TJP1: variants seen among roughly 807,000 people sequenced by gnomAD.
The protein encoded by TJP1 is tight junction protein 1.
A neutral mutation model predicts 194.2 loss-of-function variants in TJP1; 43 were observed. That is an observed-to-expected ratio of 0.22 (90% CI 0.17 to 0.29). The LOEUF is 0.29. Among genes scored for constraint, TJP1 ranks in the 10% least tolerant of loss-of-function variants. TJP1 has a pLI of 1.00. For missense variants in TJP1, 1,971 were observed against 2,185.7 expected (o/e 0.90, Z 1.96); for synonymous variants, 801 against 779.0 (o/e 1.03, Z -0.47).
At chr15:29,871,683 C>A (rs114555499) in intron 2 of TJP1, among the ~76,000 whole-genome samples, 1 of 152,226 alleles carries the variant, frequency 6.6e-6, no homozygotes, top group African/African-American at 2.4e-5. Flanking sequence ...TACAGCCCCA[C>A]TGGGCATTCC....
chr15:29,923,724 C>G (rs1013538473), intron 2 of TJP1, among the ~76,000 whole-genome samples: 1 of 152,146 alleles, frequency 6.6e-6, no homozygotes, highest in Non-Finnish European at 1.5e-5. Context: ...ATATTCAACT[C>G]TATGCATGTA....
rs1394794254 is a variant in TJP1 at position 29,719,956 on chromosome 15, T to C, written c.2824A>G (p.Thr942Ala). 6 of 1,613,906 alleles carry C rather than the reference T, an allele frequency of 3.7e-6. No individual in the cohort carries two copies. The highest frequency in any genetic ancestry group is 1.7e-5 in the Admixed American group (1 of 59,988). Residue 942 changes from threonine (T) to alanine (A), a missense_variant, in exon 20 of 28, where the codon ACC becomes GCC. By Grantham distance (58) the Thr-to-Ala change is moderately conservative (BLOSUM62 0). Transcript: ENST00000614355. Reference sequence around the variant, plus strand: ...TTTACATTATGATTAACAGCAGAGGTTGATGATGCTGGGTTTGTTTCAGGC... The same window carrying C: ...TTTACATTATGATTAACAGCAGAGGCTGATGATGCTGGGTTTGTTTCAGGC... ...LSPETNPASS[T>A]SAVNHNVNLT...
At chr15:29,852,615 A>G (rs909636467) in intron 2 of TJP1, among the ~76,000 whole-genome samples, 2 of 152,212 alleles carry the variant, frequency 1.3e-5, no homozygotes, top group African/African-American at 2.4e-5. Context: ...ATCCCAGCAA[A>G]ATAAAAACTT....
chr15:29,850,617 G>C (rs569292969), intron 2 of TJP1, among the ~76,000 whole-genome samples: 1 of 151,962 alleles, frequency 6.6e-6, no homozygotes, highest in Non-Finnish European at 1.5e-5. Flanking sequence ...TTACAGGCAT[G>C]AGCCACCGCG....
chr15:29,873,242 T>C (rs576428269), intron 2 of TJP1, among the ~76,000 whole-genome samples: 26 of 152,242 alleles, frequency 1.7e-4, no homozygotes, highest in Non-Finnish European at 3.5e-4. Context: ...AAAGAATTTC[T>C]TATTAAATAG....
intron 2 of TJP1, among the ~76,000 whole-genome samples, chr15:29,837,631 A>T (rs2051078590): frequency 6.6e-6 from 1 of 152,246 alleles, no homozygotes; most frequent in Non-Finnish European, 1.5e-5. Context: ...TGTATTCTTA[A>T]CACATATAAA....
chr15:29,764,052 G>T (rs1241825530), intron 5 of TJP1, among the ~76,000 whole-genome samples: 1 of 152,236 alleles, frequency 6.6e-6, no homozygotes, highest in East Asian at 1.9e-4. Flanking sequence ...ATTTCTTGGG[G>T]TATATATGAA....
chr15:29,875,393 C>A (rs1004144502), intron 2 of TJP1, among the ~76,000 whole-genome samples: 10 of 152,112 alleles, frequency 6.6e-5, no homozygotes, highest in Admixed American at 3.9e-4. Context: ...TTACAGCCGG[C>A]CTTATTGTCT....
chr15:29,740,823 T>C (rs554169140), intron 10 of TJP1, among the ~76,000 whole-genome samples: 1 of 152,124 alleles, frequency 6.6e-6, no homozygotes, highest in African/African-American at 2.4e-5. Context: ...CAACCATGAT[T>C]TTGCCCCCAA....
rs75491674 is a variant in TJP1, at chr15:29,838,871, C to T, written c.307-38169G>A. The stretch of plus-strand genomic sequence containing the variant: ...ATTACATAAATGGAACCATACAGTA[C>T]GTAACCTGCTGGAATTATGTTTGTT... On this transcript the variant is annotated intron_variant, in intron 2 of 28. Transcript: ENST00000356107. 1.7e-3 allele frequency among the ~76,000 whole-genome samples: 264 copies of T among 152,004 alleles called. 3 individuals are homozygous for T. Among genetic ancestry groups the T allele is most frequent in the Non-Finnish European group, 3.1e-3 (208 of 67,990 alleles).
At chr15:29,912,714 A>T (rs1191078371) in intron 2 of TJP1, among the ~76,000 whole-genome samples, 1 of 151,260 alleles carries the variant, frequency 6.6e-6, no homozygotes, top group African/African-American at 2.4e-5. Context: ...AAAAAAAAAA[A>T]AAAAAAAAAG....
At chr15:29,836,368 G>A (rs1045230265) in intron 2 of TJP1, among the ~76,000 whole-genome samples, 1 of 151,942 alleles carries the variant, frequency 6.6e-6, no homozygotes, top group South Asian at 2.1e-4. Flanking sequence ...CGCCTCCCGG[G>A]TTCACGCCAT....
chr15:29,891,769 G>C (rs190019183), intron 2 of TJP1, among the ~76,000 whole-genome samples: 11 of 152,302 alleles, frequency 7.2e-5, no homozygotes, highest in Admixed American at 2.6e-4. Flanking sequence ...TGTTGGGTGT[G>C]TTCTGACTGT....
At chr15:29,813,073 T>C (rs889535603) in intron 1 of TJP1, among the ~76,000 whole-genome samples, 3 of 152,182 alleles carry the variant, frequency 2.0e-5, no homozygotes, top group Non-Finnish European at 4.4e-5. Flanking sequence ...CACAATTATA[T>C]TTTGAAAGGC....
chr15:29,874,814 C>T (rs73371108), intron 2 of TJP1, among the ~76,000 whole-genome samples: 7,247 of 152,266 alleles, frequency 0.048, 276 homozygotes, highest in African/African-American at 0.095. Flanking sequence ...ATCAATATTA[C>T]GTAAATTGAC....
intron 2 of TJP1, among the ~76,000 whole-genome samples, chr15:29,889,929 A>G (rs1245509928): frequency 2.0e-5 from 3 of 152,356 alleles, no homozygotes; most frequent in Middle Eastern, 3.4e-3. Context: ...TAGTAGAATT[A>G]ATATCTTTCC....
chr15:29,713,184 T>C (rs552066630), intron 23 of TJP1, among the ~76,000 whole-genome samples: 2 of 152,300 alleles, frequency 1.3e-5, no homozygotes, highest in South Asian at 2.1e-4. Context: ...ACATAGTGAG[T>C]TGAGTCCTGA....
At chr15:29,963,338 T>C (rs962961750) in intron 1 of TJP1, among the ~76,000 whole-genome samples, 7 of 152,142 alleles carry the variant, frequency 4.6e-5, no homozygotes, top group Admixed American at 2.0e-4. Context: ...TCAATTGTCT[T>C]TTGAACCTTG....
chr15:29,936,883 A>C (rs1266551555), intron 2 of TJP1, among the ~76,000 whole-genome samples: 1 of 152,168 alleles, frequency 6.6e-6, no homozygotes, highest in Non-Finnish European at 1.5e-5. Context: ...AGTGGAGTCC[A>C]GCTACACAGC....
Sources: allele counts gnomAD v4.1 joint callset (sites outside exome capture counted in the v4.1 genomes callset), GRCh38; gene constraint gnomAD v4.1.1; transcripts MANE v1.5; gene names NCBI Gene and HGNC (gene_info 2026-07-23, HGNC 2026-07-21).